Variants in PEAK1 observed in about 807,000 individuals in gnomAD.
PEAK1 encodes inactive tyrosine-protein kinase PEAK1.
A neutral mutation model predicts 124.7 loss-of-function variants in PEAK1; 54 were observed. The observed-to-expected ratio is 0.43, with a 90% CI of 0.35 to 0.54. The LOEUF (loss-of-function observed/expected upper bound fraction) is 0.54, where lower values mean the gene tolerates loss of function less well. Among genes scored for constraint, PEAK1 ranks in the 20% least tolerant of loss-of-function variants. The pLI, the probability that PEAK1 is intolerant of heterozygous loss-of-function variation, is 0.01. For missense variants in PEAK1, 2,046 were observed against 2,134.5 expected, an observed-to-expected ratio of 0.96 and a Z score of 0.82; for synonymous variants, 719 against 760.0, an observed-to-expected ratio of 0.95 and a Z score of 0.89.
chr15:77,136,498 T>C (rs913655569), intron 8 of PEAK1, among the ~76,000 whole-genome samples: 2 of 151,980 alleles, frequency 1.3e-5, no homozygotes, highest in Non-Finnish European at 2.9e-5. Flanking sequence ...AAACCCTGTC[T>C]CTACTAAAAA....
At chr15:77,211,812 C>A (rs1567120348) in intron 6 of PEAK1, among the ~76,000 whole-genome samples, 1 of 135,382 alleles carries the variant, frequency 7.4e-6, no homozygotes, top group African/African-American at 2.8e-5. Context: ...CACGCCACTG[C>A]ACTCCAGCCT....
intron 3 of PEAK1, among the ~76,000 whole-genome samples, chr15:77,285,336 C>T (rs1223908213): frequency 1.3e-5 from 2 of 152,134 alleles, no homozygotes; most frequent in Non-Finnish European, 2.9e-5. Context: ...CTCTAATCTT[C>T]CAAACTTTTG....
At chr15:77,153,180 C>G (rs2054809041) in intron 8 of PEAK1, among the ~76,000 whole-genome samples, 3 of 152,234 alleles carry the variant, frequency 2.0e-5, no homozygotes, top group Admixed American at 2.0e-4. Context: ...TGTTATTGGT[C>G]TATTCAGAGA....
chr15:77,410,156 C>T (rs185280795), intron 1 of PEAK1, among the ~76,000 whole-genome samples: 45 of 151,312 alleles, frequency 3.0e-4, no homozygotes, highest in Admixed American at 3.9e-4. Context: ...ACCATGATCT[C>T]GGCTCACTGG....
chr15:77,265,134 C>T (rs1242172611), intron 5 of PEAK1, among the ~76,000 whole-genome samples: 8 of 152,220 alleles, frequency 5.3e-5, no homozygotes, highest in Non-Finnish European at 8.8e-5. Flanking sequence ...AAACGTTAGA[C>T]CTAAAACCAT....
At chr15:77,283,727 T>A in intron 5 of PEAK1, 156 bp downstream of exon 5, 1 of 200,504 alleles carries the variant, frequency 5.0e-6, no homozygotes, top group Non-Finnish European at 8.9e-6. Context: ...AATACTTTAT[T>A]ATAAAGTATG....
rs370178924 is a variant in PEAK1 at position 77,114,798 on chromosome 15, G to C, written c.4599C>G (p.Ala1533=). 38 of 1,613,100 alleles carry C rather than the reference G, an allele frequency of 2.4e-5. No homozygotes were observed. The African/African-American group carries it at 4.7e-4, about 20-fold the overall frequency. ...TGGGCTCTGCAGGCCCAAAGCCTTG[G>C]GCAGTCCCCCCAGGCTGGTAGTGGA... ...LLVHYQPGGT[A]QGFGPAEPSP... is the part of the protein sequence containing the mutation. The change falls in exon 10 of 10, where the codon GCC becomes GCG. Residue 1533 remains alanine (A), a synonymous_variant. Coordinates refer to ENST00000682557, the MANE Select transcript of PEAK1 (RefSeq NM_001385026.1).
chr15:77,350,681 C>CT (rs1411201957), intron 2 of PEAK1: 1 of 984,974 alleles, frequency 1.0e-6, no homozygotes, highest in Non-Finnish European at 1.2e-6. Context: ...GCTCAGTTCC[C>CT]TACAGCTTCC....
chr15:77,247,420 C>T (rs2060636823), intron 6 of PEAK1, among the ~76,000 whole-genome samples: 1 of 151,318 alleles, frequency 6.6e-6, no homozygotes, highest in Non-Finnish European at 1.5e-5. Context: ...AGTATCTAAC[C>T]ACTGAGTAAT....
chr15:77,192,767 TG>T (rs2057901398), intron 6 of PEAK1, among the ~76,000 whole-genome samples: 1 of 152,122 alleles, frequency 6.6e-6, no homozygotes, highest in African/African-American at 2.4e-5. Flanking sequence ...TCAAGGCCAT[TG>T]CTAATAAGAT....
At chr15:77,161,103 T>C (rs2055596102) in intron 7 of PEAK1, among the ~76,000 whole-genome samples, 1 of 152,170 alleles carries the variant, frequency 6.6e-6, no homozygotes, top group Admixed American at 6.5e-5. Context: ...GCAAGAAATA[T>C]TAGAAAACTC....
At chr15:77,333,468 T>A (rs2066013472) in intron 2 of PEAK1, 2 of 910,444 alleles carry the variant, frequency 2.2e-6, no homozygotes, top group Admixed American at 6.2e-5. Flanking sequence ...TATATAAGCT[T>A]ATCTAAGAAT....
chr15:77,151,724 C>T (rs1211187856), intron 8 of PEAK1, among the ~76,000 whole-genome samples: 4 of 152,182 alleles, frequency 2.6e-5, no homozygotes, highest in Non-Finnish European at 4.4e-5. Flanking sequence ...CAGCTTTCTA[C>T]ATATGGCTAG....
chr15:77,216,991 T>C (rs2059176594), intron 6 of PEAK1, among the ~76,000 whole-genome samples: 2 of 151,958 alleles, frequency 1.3e-5, no homozygotes, highest in Admixed American at 6.6e-5. Flanking sequence ...TCTCAGCACC[T>C]TGGGAGGCTG....
chr15:77,206,614 A>G (rs2058672008), intron 6 of PEAK1, among the ~76,000 whole-genome samples: 1 of 151,670 alleles, frequency 6.6e-6, no homozygotes, highest in African/African-American at 2.4e-5. Flanking sequence ...TTTTGGCTGC[A>G]TAAATGTCTT....
chr15:77,179,576 G>A lies in PEAK1; in HGVS notation c.2351C>T (p.Pro784Leu). 3 of 1,614,144 alleles carry A rather than the reference G, an allele frequency of 1.9e-6. No individual in the cohort carries two copies. The highest frequency in any genetic ancestry group is 4.5e-5 in the East Asian group (2 of 44,884). Reference sequence around the variant, plus strand: ...ACTGCAAGCTTTAGGGCCAGATTGAGGTGTTTCTGGAGGAGACTGTGGGGG... The same window carrying A: ...ACTGCAAGCTTTAGGGCCAGATTGAAGTGTTTCTGGAGGAGACTGTGGGGG... ...IQPPQSPPET[P>L]QSGPKACSVE... Residue 784 changes from proline (P) to leucine (L), a missense_variant, in exon 7 of 10, where the codon CCT becomes CTT. Transcript: ENST00000682557.
chr15:77,167,983 C>T (rs761937988), intron 7 of PEAK1, among the ~76,000 whole-genome samples: 3 of 151,920 alleles, frequency 2.0e-5, no homozygotes, highest in Non-Finnish European at 4.4e-5. Context: ...TGAGAACATG[C>T]GGTGTTTGGT....
chr15:77,153,853 T>C lies in PEAK1; in HGVS notation c.3331+4650A>G, dbSNP rs191048018. Among the ~76,000 whole-genome samples, 248 of 152,306 alleles carry C rather than the reference T, an allele frequency of 1.6e-3. 7 individuals carry two copies. In the East Asian group the frequency reaches 0.042, roughly 26 times the overall value. Reference sequence around the variant, plus strand: ...GATTGCACCGTGGCCTGAGAGACAGTTTGTTATAATTTCTGTTCTTTTACA... The same window carrying C: ...GATTGCACCGTGGCCTGAGAGACAGCTTGTTATAATTTCTGTTCTTTTACA... On this transcript the variant is annotated intron_variant, in intron 8 of 9. Coordinates refer to ENST00000682557, the MANE Select transcript of PEAK1 (RefSeq NM_001385026.1).
intron 6 of PEAK1, among the ~76,000 whole-genome samples, chr15:77,247,240 C>G (rs763596090): frequency 3.3e-5 from 5 of 152,050 alleles, no homozygotes; most frequent in Non-Finnish European, 7.4e-5. Flanking sequence ...TTTTGCTTAA[C>G]TGAACTTGCT....
Sources: gnomAD v4.1 joint callset for allele counts (sites outside exome capture counted in the v4.1 genomes callset) on GRCh38, gnomAD v4.1.1 for gene constraint, MANE v1.5 for transcripts, NCBI Gene and HGNC (gene_info 2026-07-23, HGNC 2026-07-21) for gene names.